The following SEL1L3 variants were observed in gnomAD, a reference collection of about 807,000 sequenced individuals.
SEL1L3 encodes protein sel-1 homolog 3.
SEL1L3 carries 76 observed loss-of-function variants against 142.8 expected under a neutral mutation model. The ratio of observed to expected loss-of-function variants is 0.53; its 90% CI spans 0.44 to 0.64. The LOEUF is 0.64. Ranked by LOEUF, SEL1L3 falls within the 30% of genes least tolerant of loss-of-function variation. SEL1L3 has a pLI of 0.00. For missense variants in SEL1L3, 1,262 were observed against 1,381.7 expected, an observed-to-expected ratio of 0.91 and a Z score of 1.37; for synonymous variants, 504 against 519.6, an observed-to-expected ratio of 0.97 and a Z score of 0.41.
intron 1 of SEL1L3, 80 bp downstream of exon 1, chr4:25,862,595 G>T: frequency 1.4e-6 from 1 of 710,712 alleles, no homozygotes; most frequent in Non-Finnish European, 1.9e-6. Context: ...GCCCCGCGTG[G>T]CGGGTGTCCC....
At chr4:25,843,057 G>A (rs1192632345) in intron 2 of SEL1L3, among the ~76,000 whole-genome samples, 1 of 152,186 alleles carries the variant, frequency 6.6e-6, no homozygotes, top group Non-Finnish European at 1.5e-5. Flanking sequence ...GTCCCAAAGT[G>A]AGAATGAACT....
the SEL1L3 span, among the ~76,000 whole-genome samples, chr4:25,740,432 C>CA: frequency 0.22 from 27,329 of 121,908 alleles, 3,156 homozygotes; most frequent in African/African-American, 0.35. Context: ...GACTCCATCT[C>CA]AAAAAAAAAA....
chr4:25,742,297 C>T, the SEL1L3 span, among the ~76,000 whole-genome samples: 5 of 151,946 alleles, frequency 3.3e-5, no homozygotes, highest in Non-Finnish European at 5.9e-5. Context: ...GCAATTCTTC[C>T]ACCTCAGCCT....
intron 11 of SEL1L3, among the ~76,000 whole-genome samples, chr4:25,799,008 T>A (rs147048422): frequency 1.9e-3 from 287 of 152,264 alleles, no homozygotes; most frequent in Non-Finnish European, 3.7e-3. Flanking sequence ...CCTCCTTGGC[T>A]TGCAGATGGC....
At chr4:25,723,431 T>C in the SEL1L3 span, among the ~76,000 whole-genome samples, 1 of 152,196 alleles carries the variant, frequency 6.6e-6, no homozygotes, top group South Asian at 2.1e-4. Context: ...ATATAAATGT[T>C]TGTGACTCTG....
the SEL1L3 span, among the ~76,000 whole-genome samples, chr4:25,716,497 G>T: frequency 1.3e-5 from 2 of 152,032 alleles, no homozygotes. Flanking sequence ...TTGCACTTTT[G>T]GGTACATAAT....
At chr4:25,731,074 A>T in the SEL1L3 span, among the ~76,000 whole-genome samples, 1 of 152,164 alleles carries the variant, frequency 6.6e-6, no homozygotes, top group Non-Finnish European at 1.5e-5. Context: ...TCAGCTCTCT[A>T]GTTACAAGTG....
intron 5 of SEL1L3, among the ~76,000 whole-genome samples, chr4:25,831,174 C>T (rs1715413124): frequency 6.6e-6 from 1 of 152,134 alleles, no homozygotes; most frequent in Admixed American, 6.5e-5. Context: ...TACTTTTAAT[C>T]TTCTGCTCAA....
Position 25,748,396 on chromosome 4 carries a change from C to G in SEL1L3, c.*29G>C, listed in dbSNP as rs752108611. The G allele has an allele frequency of 6.3e-7, 1 of 1,585,126 alleles. No homozygotes were observed. Among genetic ancestry groups the G allele is most frequent in the Non-Finnish European group, 8.6e-7 (1 of 1,164,748 alleles). On this transcript the variant is annotated 3_prime_UTR_variant, in exon 24 of 24. Coordinates refer to ENST00000399878, the MANE Select transcript of SEL1L3 (RefSeq NM_015187.5). ...ATACCAGCTGTTGAAAAGATTCTCT[C>G]TCATCTGGAGAGAACTGGAGTGCAC...
chr4:25,734,989 TTTC>T, the SEL1L3 span, among the ~76,000 whole-genome samples: 1 of 152,192 alleles, frequency 6.6e-6, no homozygotes, highest in Non-Finnish European at 1.5e-5. Flanking sequence ...AAGTATTTTT[TTTC>T]TTTTTTTTCT....
At chr4:25,806,017 G>T (rs1440880224) in intron 9 of SEL1L3, among the ~76,000 whole-genome samples, 2 of 150,914 alleles carry the variant, frequency 1.3e-5, no homozygotes, top group African/African-American at 4.9e-5. Context: ...AAATGTTGTG[G>T]GTTTTTTTTG....
chr4:25,754,128 C>A (rs946971495), intron 23 of SEL1L3, among the ~76,000 whole-genome samples: 17 of 151,700 alleles, frequency 1.1e-4, no homozygotes, highest in Non-Finnish European at 2.5e-4. Context: ...CACAGAGAAA[C>A]CCTGTCTCTA....
intron 9 of SEL1L3, among the ~76,000 whole-genome samples, chr4:25,808,537 G>C (rs1448520489): frequency 6.6e-6 from 1 of 152,108 alleles, no homozygotes; most frequent in Non-Finnish European, 1.5e-5. Flanking sequence ...CCCTGTGACA[G>C]GAATGTAGAC....
downstream of SEL1L3, among the ~76,000 whole-genome samples, chr4:25,744,507 C>A (rs1457579459): frequency 6.6e-6 from 1 of 151,972 alleles, no homozygotes; most frequent in Non-Finnish European, 1.5e-5. Context: ...GCGTGCACCA[C>A]CACGCCCAGC....
chr4:25,776,534 T>C (rs1719643102), intron 16 of SEL1L3, 174 bp from the exon 17 acceptor site: 1 of 572,504 alleles, frequency 1.7e-6, no homozygotes, highest in Admixed American at 3.0e-5. Flanking sequence ...CTGAGAGCTT[T>C]TCATTTAGTG....
At chr4:25,757,830 C>T (rs114129887) in intron 21 of SEL1L3, 40 bp from the exon 22 acceptor site, 21,558 of 1,470,114 alleles carry the variant, frequency 0.015, 201 homozygotes, top group Non-Finnish European at 0.018. Context: ...TGTCAGCCAA[C>T]TTTGGTGGCA....
At chr4:25,803,989 A>G (rs1577630288) in intron 10 of SEL1L3, among the ~76,000 whole-genome samples, 1 of 152,116 alleles carries the variant, frequency 6.6e-6, no homozygotes, top group Non-Finnish European at 1.5e-5. Flanking sequence ...CTTCCTATAT[A>G]TATCTAATCC....
rs1376935221 is a variant in SEL1L3 at position 25,842,720 on chromosome 4, T to TC, written c.733+4573_733+4574insG. 2.6e-5 allele frequency among the ~76,000 whole-genome samples: 4 copies of TC among 152,254 alleles called. No individual in the cohort carries two copies. In the East Asian group the frequency reaches 7.7e-4, roughly 29 times the overall value. ...CTTCCCTCTTGGTTAAGAGCATTCA[T>TC]TCAATCAACAAGTAGTCATGAGTGC... On this transcript the variant is annotated intron_variant, in intron 2 of 23. Transcript: ENST00000399878.
chr4:25,832,422 T>G (rs1012695814), intron 5 of SEL1L3, among the ~76,000 whole-genome samples: 4 of 152,216 alleles, frequency 2.6e-5, no homozygotes, highest in African/African-American at 7.2e-5. Flanking sequence ...TCCATAAAAT[T>G]CATGTTATGA....
Sources: allele counts gnomAD v4.1 joint callset (sites outside exome capture counted in the v4.1 genomes callset), GRCh38; gene constraint gnomAD v4.1.1; transcripts MANE v1.5; gene names NCBI Gene and HGNC (gene_info 2026-07-23, HGNC 2026-07-21).